The following SLC9A9 variants were observed in gnomAD, a reference collection of about 807,000 sequenced individuals.
SLC9A9 encodes sodium/hydrogen exchanger 9.
In SLC9A9, 62 loss-of-function variants were observed where a neutral mutation model predicts 77.8. The ratio of observed to expected loss-of-function variants is 0.80; its 90% CI spans 0.65 to 0.98. The LOEUF (loss-of-function observed/expected upper bound fraction) is 0.98. Among genes scored for constraint, SLC9A9 ranks in the 50% least tolerant of loss-of-function variants. SLC9A9 has a pLI of 0.00. For synonymous variants in SLC9A9, 320 were observed against 283.5 expected, an observed-to-expected ratio of 1.13 and a Z score of -1.29; for missense variants, 775 against 774.9, an observed-to-expected ratio of 1.00 and a Z score of 0.00.
chr3:143,654,175 A>G (rs187725981), intron 5 of SLC9A9, among the ~76,000 whole-genome samples: 5 of 152,354 alleles, frequency 3.3e-5, no homozygotes, highest in Non-Finnish European at 5.9e-5. Flanking sequence ...GAGGTAATAC[A>G]TATATTAATA....
In SLC9A9 at chr3:143,737,506, ACT is replaced by A. The variant is rs554015608; in HGVS notation, c.534-44201_534-44200del. On this transcript the variant is annotated intron_variant, in intron 4 of 15. Transcript: ENST00000316549. ...AAAAACCAAAAAAAAAACCCACAAA[ACT>A]CTCACGAATGGCAGAGCTGGAGAAG... Among the ~76,000 whole-genome samples, 34 of 152,010 alleles carry A rather than the reference ACT, an allele frequency of 2.2e-4. No individual in the cohort carries two copies. The East Asian group carries it at 5.4e-3, about 24-fold the overall frequency.
At chr3:143,591,375 T>C (rs2037641423) in intron 6 of SLC9A9, among the ~76,000 whole-genome samples, 1 of 151,672 alleles carries the variant, frequency 6.6e-6, no homozygotes, top group African/African-American at 2.4e-5. Context: ...TTCAGTGTCA[T>C]GTGTGAAGCA....
intron 7 of SLC9A9, among the ~76,000 whole-genome samples, chr3:143,577,651 CTCT>C (rs2037383191): frequency 6.6e-6 from 1 of 152,176 alleles, no homozygotes; most frequent in African/African-American, 2.4e-5. Flanking sequence ...CATCTCCTGA[CTCT>C]TCTTAGATAC....
chr3:143,413,046 G>A (rs938472078), intron 12 of SLC9A9, among the ~76,000 whole-genome samples: 1 of 152,216 alleles, frequency 6.6e-6, no homozygotes, highest in Non-Finnish European at 1.5e-5. Context: ...AAACGCCTCT[G>A]AATCCTACAG....
chr3:143,678,017 G>A (rs1932941581), intron 5 of SLC9A9, among the ~76,000 whole-genome samples: 1 of 151,840 alleles, frequency 6.6e-6, no homozygotes. Flanking sequence ...TAGTAGAGAC[G>A]GGGTTTCACC....
intron 1 of SLC9A9, among the ~76,000 whole-genome samples, chr3:143,841,754 C>CTTTCCTTTTTTTTTCTT (rs2009711950): frequency 6.7e-6 from 1 of 149,316 alleles, no homozygotes; most frequent in Non-Finnish European, 1.5e-5. Flanking sequence ...TATAGAGGCT[C>CTTTCCTTTTTTTTTCTT]TTTTCTTTAT....
At chr3:143,475,125 ATTTTTTT>A (rs35148633) in intron 11 of SLC9A9, among the ~76,000 whole-genome samples, 1 of 134,680 alleles carries the variant, frequency 7.4e-6, no homozygotes, top group Admixed American at 7.4e-5. Context: ...CACCTGGCTC[ATTTTTTT>A]TTTTTTTTTG....
chr3:143,300,246 G>C (rs1158539547), intron 14 of SLC9A9, among the ~76,000 whole-genome samples: 5 of 152,218 alleles, frequency 3.3e-5, no homozygotes, highest in Non-Finnish European at 7.3e-5. Context: ...AAAAGGGACA[G>C]AGTATTTGCA....
At position 143,270,896 on chromosome 3, in the gene SLC9A9, T is replaced by C. The variant is rs191571545; in HGVS notation, c.1605-1916A>G. 1.7e-3 allele frequency among the ~76,000 whole-genome samples: 255 copies of C among 152,360 alleles called. 1 individual carries two copies. The highest frequency in any genetic ancestry group is 0.014 in the Admixed American group (219 of 15,304). On this transcript the variant is annotated intron_variant, in intron 14 of 15. Transcript: ENST00000316549. ...CCTTTATTTATGGTTTGACTTTTTA[T>C]GGTTTTAGTTACCCATGGTCAACCA...
At chr3:143,524,061 A>C (rs894785211) in intron 9 of SLC9A9, among the ~76,000 whole-genome samples, 17 of 152,178 alleles carry the variant, frequency 1.1e-4, no homozygotes, top group African/African-American at 4.1e-4. Context: ...TGAGAAAGGA[A>C]GACCAGAATG....
intron 2 of SLC9A9, among the ~76,000 whole-genome samples, chr3:143,818,472 G>T (rs550916192): frequency 2.0e-5 from 3 of 151,968 alleles, no homozygotes; most frequent in African/African-American, 4.8e-5. Context: ...ACGCCCAGCT[G>T]ATTTTTGTAT....
intron 14 of SLC9A9, among the ~76,000 whole-genome samples, chr3:143,325,204 C>G (rs1559868486): frequency 6.6e-6 from 1 of 152,138 alleles, no homozygotes; most frequent in Non-Finnish European, 1.5e-5. Flanking sequence ...GTCACTTACC[C>G]TCCCTCGATC....
chr3:143,764,674 C>T (rs1024215949), intron 4 of SLC9A9, among the ~76,000 whole-genome samples: 2 of 152,154 alleles, frequency 1.3e-5, no homozygotes, highest in Non-Finnish European at 2.9e-5. Context: ...TTCTCCTATT[C>T]AGCCTTCCAA....
intron 12 of SLC9A9, among the ~76,000 whole-genome samples, chr3:143,456,182 C>T (rs923708988): frequency 6.6e-6 from 1 of 151,860 alleles, no homozygotes; most frequent in African/African-American, 2.4e-5. Flanking sequence ...TTTCTTTTAT[C>T]TGCTAATATA....
chr3:143,743,673 C>T (rs1229308911), intron 4 of SLC9A9, among the ~76,000 whole-genome samples: 2 of 152,184 alleles, frequency 1.3e-5, no homozygotes, highest in Non-Finnish European at 2.9e-5. Flanking sequence ...TCCAGTAACT[C>T]ACATGCAAAT....
chr3:143,691,009 T>C (rs1477097263), intron 5 of SLC9A9, among the ~76,000 whole-genome samples: 1 of 152,142 alleles, frequency 6.6e-6, no homozygotes, highest in South Asian at 2.1e-4. Flanking sequence ...AACTCTAAAA[T>C]GTAAAGCTTC....
chr3:143,340,558 C>A (rs978131990), intron 14 of SLC9A9, among the ~76,000 whole-genome samples: 2 of 152,150 alleles, frequency 1.3e-5, no homozygotes, highest in Non-Finnish European at 2.9e-5. Flanking sequence ...CTAGTGGAGG[C>A]TTTGAAGAGA....
At chr3:143,600,334 A>T (rs922765033) in intron 6 of SLC9A9, among the ~76,000 whole-genome samples, 1 of 152,146 alleles carries the variant, frequency 6.6e-6, no homozygotes, top group Admixed American at 6.5e-5. Context: ...CCCATCAACG[A>T]TAGATTAGAT....
intron 12 of SLC9A9, among the ~76,000 whole-genome samples, chr3:143,449,691 T>C (rs1376114326): frequency 2.0e-5 from 1 of 50,676 alleles, no homozygotes; most frequent in Non-Finnish European, 3.0e-5. Context: ...ATATAAAATA[T>C]AATTATATTA....
Sources: allele counts gnomAD v4.1 joint callset (sites outside exome capture counted in the v4.1 genomes callset), GRCh38; gene constraint gnomAD v4.1.1; transcripts MANE v1.5; gene names NCBI Gene and HGNC (gene_info 2026-07-23, HGNC 2026-07-21).